Variants in LAMA3 observed in about 807,000 individuals in gnomAD.
The protein encoded by LAMA3 is laminin subunit alpha-3.
Under a neutral mutation model 402.0 loss-of-function variants are expected in LAMA3, and 281 were observed. The observed-to-expected ratio is 0.70, with a 90% confidence interval of 0.63 to 0.77. The LOEUF (loss-of-function observed/expected upper bound fraction) is 0.77, where lower values mean the gene tolerates loss of function less well. LAMA3 is among the 30% of genes least tolerant of loss of function. The probability of loss-of-function intolerance (pLI) is 0.00; values close to 1 mark genes in which losing one functional copy is unlikely to be tolerated. For missense variants in LAMA3, 3,840 were observed against 4,215.5 expected, an observed-to-expected ratio of 0.91 and a Z score of 2.47; for synonymous variants, 1,431 against 1,558.4, an observed-to-expected ratio of 0.92 and a Z score of 1.93.
At chr18:23,932,130 C>T in intron 65 of LAMA3, 30 bp from the exon 66 acceptor site, 3 of 1,613,066 alleles carry the variant, frequency 1.9e-6, no homozygotes, top group Non-Finnish European at 2.5e-6. Context: ...CAGCAGTTCT[C>T]ACCCATGATT....
intron 13 of LAMA3, among the ~76,000 whole-genome samples, chr18:23,811,521 C>T (rs1453822902): frequency 6.6e-6 from 1 of 152,162 alleles, no homozygotes; most frequent in Non-Finnish European, 1.5e-5. Flanking sequence ...GGGCATCCTG[C>T]ATGGGTCTGC....
chr18:23,948,379 C>A (rs1222893943), intron 70 of LAMA3, among the ~76,000 whole-genome samples: 2 of 152,154 alleles, frequency 1.3e-5, no homozygotes, highest in African/African-American at 4.8e-5. Context: ...TGAACACCGG[C>A]ACTGCAGTCA....
At chr18:23,867,084 A>G (rs1248288334) in intron 36 of LAMA3, among the ~76,000 whole-genome samples, 2 of 152,174 alleles carry the variant, frequency 1.3e-5, no homozygotes, top group Non-Finnish European at 2.9e-5. Flanking sequence ...AGGGGGAGGC[A>G]GCAGGGGAAT....
chr18:23,699,682 G>A (rs190417659), intron 1 of LAMA3, among the ~76,000 whole-genome samples: 115 of 152,260 alleles, frequency 7.6e-4, no homozygotes, highest in Middle Eastern at 3.4e-3. Flanking sequence ...GTAAACTTGC[G>A]TTTGCCTTGG....
chr18:23,785,100 T>G (rs1271543654), intron 12 of LAMA3, among the ~76,000 whole-genome samples: 1 of 152,144 alleles, frequency 6.6e-6, no homozygotes, highest in Non-Finnish European at 1.5e-5. Context: ...GGTTGGTGAC[T>G]TCATCTCTTG....
chr18:23,857,904 TCCTGAGTGTGTTC>T lies in LAMA3; in HGVS notation c.4202_4214del (p.Glu1401AlafsTer26). 1.2e-6 allele frequency: 2 copies of T among 1,614,218 alleles called. No homozygotes were observed. Among genetic ancestry groups the T allele is most frequent in the Non-Finnish European group, 1.7e-6 (2 of 1,180,036 alleles). On this transcript the variant is annotated frameshift_variant, in exon 33 of 75. Transcript: ENST00000313654. LOFTEE classifies it high-confidence loss of function. Reference sequence around the variant, plus strand: ...GATGTGCTTCCGGGTTTTACCGCTTTCCTGAGTGTGTTCCCTGCAATTGCAACAGAGATGGGAC... The same window carrying T: ...GATGTGCTTCCGGGTTTTACCGCTTTCCTGCAATTGCAACAGAGATGGGAC...
chr18:23,815,483 C>T lies in LAMA3; in HGVS notation c.1957C>T (p.His653Tyr), dbSNP rs778050314. Residue 653 changes from histidine to tyrosine, a missense_variant, in exon 17 of 75, where the codon CAC becomes TAC. Physicochemically the swap from His to Tyr is moderately conservative, Grantham distance 83 (BLOSUM62 2). Coordinates refer to ENST00000313654, the MANE Select transcript of LAMA3 (RefSeq NM_198129.4). ...GECRQGDGDC[H>Y]CKSHVGGDSC... is the part of the protein sequence containing the mutation. Reference sequence around the variant, plus strand: ...TGTTCTGCAGGGAGATGGTGACTGTCACTGCAAGTCCCATGTGGGTGGCGA... The same window carrying T: ...TGTTCTGCAGGGAGATGGTGACTGTTACTGCAAGTCCCATGTGGGTGGCGA... The T allele has an allele frequency of 3.1e-5, 50 of 1,613,756 alleles. No homozygotes were observed. Among genetic ancestry groups the T allele is most frequent in the Non-Finnish European group, 5.1e-6 (6 of 1,179,748 alleles).
chr18:23,898,855 T>G lies in LAMA3; in HGVS notation c.5724+7T>G. 2 of 1,578,424 alleles carry G rather than the reference T, an allele frequency of 1.3e-6. No homozygotes were observed. Among genetic ancestry groups the G allele is most frequent in the South Asian group, 1.1e-5 (1 of 90,360 alleles). On this transcript the variant is annotated splice_region_variant and intron_variant, in intron 45 of 74. Coordinates refer to ENST00000313654, the MANE Select transcript of LAMA3 (RefSeq NM_198129.4). Reference sequence around the variant, plus strand: ...TGAGACTTTGCAAGAAAAGGTAATGTGTTAGGTCCATTTAACTTTGGGGTT... The same window carrying G: ...TGAGACTTTGCAAGAAAAGGTAATGGGTTAGGTCCATTTAACTTTGGGGTT...
In LAMA3 at chr18:23,890,047, C is replaced by T. The variant is rs138524783; in HGVS notation, c.5340C>T (p.Phe1780=). 2.0e-4 allele frequency: 322 copies of T among 1,614,004 alleles called. 1 individual carries two copies. Among genetic ancestry groups the T allele is most frequent in the Non-Finnish European group, 2.3e-4 (266 of 1,179,978 alleles). ...GATATTTCGGGAATCCCCAGAAATT[C>T]GGAGGTAGCTGCCAACCATGCAGTT... is the stretch of plus-strand genomic sequence containing the variant. ...APGYFGNPQK[F]GGSCQPCSCN... Residue 1780 remains phenylalanine, a synonymous_variant, in exon 42 of 75, where the codon TTC becomes TTT. Coordinates refer to ENST00000313654, the MANE Select transcript of LAMA3 (RefSeq NM_198129.4).
At position 23,759,055 on chromosome 18, in the gene LAMA3, G is replaced by GT. The variant is rs1453818763; in HGVS notation, c.1063+549dup. ...AAAGTAAGAAAAGCGTTTTTTTTTTGTTTTTGTTTTTTAGGCCTGATGTGG... is the reference window on the plus strand; with the variant it reads ...AAAGTAAGAAAAGCGTTTTTTTTTTGTTTTTTGTTTTTTAGGCCTGATGTGG... On this transcript the variant is annotated intron_variant, in intron 7 of 74. Coordinates refer to ENST00000313654, the MANE Select transcript of LAMA3 (RefSeq NM_198129.4). Among the ~76,000 whole-genome samples, 4 of 149,192 alleles carry GT rather than the reference G, an allele frequency of 2.7e-5. No individual in the cohort carries two copies. In the East Asian group the frequency reaches 7.8e-4, roughly 29 times the overall value.
At chr18:23,737,009 A>C (rs2061487316) in intron 2 of LAMA3, among the ~76,000 whole-genome samples, 1 of 152,100 alleles carries the variant, frequency 6.6e-6, no homozygotes, top group Non-Finnish European at 1.5e-5. Context: ...CTGGCATGGA[A>C]AATGCTTCCC....
At chr18:23,769,520 T>A (rs2062149712) in intron 8 of LAMA3, among the ~76,000 whole-genome samples, 1 of 152,188 alleles carries the variant, frequency 6.6e-6, no homozygotes, top group Non-Finnish European at 1.5e-5. Flanking sequence ...TATATTGTAG[T>A]CCCTAAAACA....
intron 6 of LAMA3, among the ~76,000 whole-genome samples, chr18:23,756,155 T>C (rs2061838714): frequency 6.6e-6 from 1 of 152,158 alleles, no homozygotes; most frequent in South Asian, 2.1e-4. Flanking sequence ...TAGATCTATG[T>C]CCATGTGCTT....
At chr18:23,921,129 T>G in intron 61 of LAMA3, 75 bp downstream of exon 61, 1 of 1,466,104 alleles carries the variant, frequency 6.8e-7, no homozygotes, top group Non-Finnish European at 9.4e-7. Flanking sequence ...TGCCCCCAAA[T>G]AAATAAATAA....
chr18:23,846,066 G>A (rs1045071362), intron 30 of LAMA3, among the ~76,000 whole-genome samples: 1 of 152,136 alleles, frequency 6.6e-6, no homozygotes, highest in Non-Finnish European at 1.5e-5. Context: ...AGCTGTGCAA[G>A]GTTCCCGCTG....
chr18:23,807,045 T>C (rs560673729), intron 12 of LAMA3, among the ~76,000 whole-genome samples: 1 of 152,368 alleles, frequency 6.6e-6, no homozygotes, highest in East Asian at 1.9e-4. Flanking sequence ...TATTTTTGTG[T>C]ATCTCTATTA....
Position 23,909,293 on chromosome 18 carries a change from A to T in LAMA3, c.7156A>T (p.Lys2386Ter). 1 of 1,611,518 alleles carries T rather than the reference A, an allele frequency of 6.2e-7. No homozygotes were observed. Among genetic ancestry groups the T allele is most frequent in the South Asian group, 1.1e-5 (1 of 91,080 alleles). Residue 2386 changes from lysine (K) to a stop codon, truncating the protein, a stop_gained and splice_region_variant, in exon 55 of 75, where the codon AAG becomes TAG. Coordinates refer to ENST00000313654, the MANE Select transcript of LAMA3 (RefSeq NM_198129.4). LOFTEE classifies it high-confidence loss of function. ...TCAGCAGGCCAGAGATGCTGCCAGT[A>T]AGGTGAGTGTGTCCCCACGTGGTCA... is the stretch of plus-strand genomic sequence containing the variant. ...LIQQARDAAS[K>*]VAVPMRFNGK... is the part of the protein sequence containing the mutation.
chr18:23,705,596 C>T (rs1184159352), intron 1 of LAMA3, among the ~76,000 whole-genome samples: 2 of 152,116 alleles, frequency 1.3e-5, no homozygotes, highest in African/African-American at 2.4e-5. Context: ...GCAATCATGG[C>T]TCACTGCAGC....
At chr18:23,719,384 C>T (rs974650679) in intron 2 of LAMA3, among the ~76,000 whole-genome samples, 1 of 152,084 alleles carries the variant, frequency 6.6e-6, no homozygotes, top group Non-Finnish European at 1.5e-5. Context: ...CCTGAAACCC[C>T]CTGCAGGTGT....
Sources: gnomAD v4.1 joint callset for allele counts (sites outside exome capture counted in the v4.1 genomes callset) on GRCh38, gnomAD v4.1.1 for gene constraint, MANE v1.5 for transcripts, NCBI Gene and HGNC (gene_info 2026-07-23, HGNC 2026-07-21) for gene names.